The following EHMT1 variants were observed in gnomAD, a reference collection of about 807,000 sequenced individuals.
EHMT1 encodes the protein histone-lysine N-methyltransferase EHMT1.
EHMT1 carries 15 observed loss-of-function variants against 147.2 expected under a neutral mutation model. The ratio of observed to expected loss-of-function variants is 0.10; its 90% confidence interval spans 0.07 to 0.16. The LOEUF (loss-of-function observed/expected upper bound fraction) is 0.16. Among genes scored for constraint, EHMT1 ranks in the 10% least tolerant of loss-of-function variants. The probability of loss-of-function intolerance (pLI) is 1.00; values close to 1 mark genes in which losing one functional copy is unlikely to be tolerated. For synonymous variants in EHMT1, 795 were observed against 709.6 expected (o/e 1.12, Z -1.91); for missense variants, 1,587 against 1,772.4 (o/e 0.90, Z 1.88).
intron 1 of EHMT1, among the ~76,000 whole-genome samples, chr9:137,643,026 C>T (rs776098212): frequency 6.1e-4 from 92 of 151,628 alleles, no homozygotes; most frequent in Non-Finnish European, 1.0e-3. Context: ...ACTATGGGTG[C>T]GTGCCACTAT....
rs1588642978 is a variant in EHMT1, at chr9:137,775,344, G to A, written c.1791+92G>A. 6 of 1,542,826 alleles carry A rather than the reference G, an allele frequency of 3.9e-6. No homozygotes were observed. The highest frequency in any genetic ancestry group is 3.5e-5 in the South Asian group (3 of 86,258). ...TCCTGTCCTGTGTCCACCTGCTGTC[G>A]GGTGGTCCAGCAGCTGGCCCAGGTC... On this transcript the variant is annotated intron_variant, in intron 11 of 26. Coordinates refer to ENST00000460843, the MANE Select transcript of EHMT1 (RefSeq NM_024757.5). The surrounding 1 kb of genome is among the most constrained non-coding windows in gnomAD (Gnocchi z 6.1).
chr9:137,686,394 T>G (rs1396081915), intron 1 of EHMT1, among the ~76,000 whole-genome samples: 1 of 152,154 alleles, frequency 6.6e-6, no homozygotes, highest in African/African-American at 2.4e-5. Context: ...ATTTTTTTAA[T>G]TTTTTTATTT....
At chr9:137,833,626 A>C (rs1265369095) in intron 25 of EHMT1, among the ~76,000 whole-genome samples, 1 of 152,160 alleles carries the variant, frequency 6.6e-6, no homozygotes, top group Non-Finnish European at 1.5e-5. Context: ...CCCCCTCTCT[A>C]TGGTCAATTC....
At chr9:137,681,227 C>T (rs915001723) in intron 1 of EHMT1, among the ~76,000 whole-genome samples, 1 of 152,170 alleles carries the variant, frequency 6.6e-6, no homozygotes, top group Non-Finnish European at 1.5e-5. Context: ...AGCTGTCCTG[C>T]TGGGGCAGGT....
intron 4 of EHMT1, among the ~76,000 whole-genome samples, chr9:137,741,615 T>C (rs1028236593): frequency 1.3e-5 from 2 of 152,198 alleles, no homozygotes; most frequent in Admixed American, 1.3e-4. Flanking sequence ...AGAAAGTACA[T>C]GTAGTCACCC....
rs71387862 is a variant in EHMT1 at position 137,814,056 on chromosome 9, G to GCCCCCCC, written c.3181-366_3181-360dup. Among the ~76,000 whole-genome samples the GCCCCCCC allele has an allele frequency of 6.0e-4, 30 of 50,062 alleles. 1 individual carries two copies. Among genetic ancestry groups the GCCCCCCC allele is most frequent in the African/African-American group, 1.2e-3 (10 of 8,460 alleles). The allele number at this position is 50,062 out of a possible 152,430, so 32.8% of individuals were successfully genotyped here. A position where few individuals can be genotyped will look rare whatever the true frequency, so the allele number is the denominator to read the frequency against. ...TCTTCCCAGGCCGGGCACTGCCCAG[G>GCCCCCCC]CCCCCCCCCCCCCCCGCCCCCCGCC... On this transcript the variant is annotated intron_variant, in intron 21 of 26. Coordinates refer to ENST00000460843, the MANE Select transcript of EHMT1 (RefSeq NM_024757.5).
intron 1 of EHMT1, among the ~76,000 whole-genome samples, chr9:137,688,552 A>G (rs1448874296): frequency 6.6e-6 from 1 of 152,214 alleles, no homozygotes; most frequent in African/African-American, 2.4e-5. Context: ...GGGAAGAATA[A>G]GCATATCTGC....
chr9:137,659,758 G>T (rs1373392043), intron 1 of EHMT1, among the ~76,000 whole-genome samples: 1 of 151,324 alleles, frequency 6.6e-6, no homozygotes, highest in African/African-American at 2.4e-5. Flanking sequence ...TGTATTTTTT[G>T]CAGAGATGGG....
At chr9:137,800,120 C>T (rs1953334186) in intron 17 of EHMT1, among the ~76,000 whole-genome samples, 1 of 152,230 alleles carries the variant, frequency 6.6e-6, no homozygotes, top group African/African-American at 2.4e-5. Context: ...GTGTCTGTGA[C>T]ATTGGGATGT....
At chr9:137,791,587 T>C (rs1191966652) in intron 16 of EHMT1, among the ~76,000 whole-genome samples, 1 of 152,200 alleles carries the variant, frequency 6.6e-6, no homozygotes, top group African/African-American at 2.4e-5. Flanking sequence ...AGTTGAAAAC[T>C]AACAAACATT....
chr9:137,668,500 T>G (rs1939960266), intron 1 of EHMT1, among the ~76,000 whole-genome samples: 1 of 152,186 alleles, frequency 6.6e-6, no homozygotes, highest in Non-Finnish European at 1.5e-5. Flanking sequence ...TGACTTACTA[T>G]ATACCAGAAC....
chr9:137,808,830 C>T (rs1047807808), intron 18 of EHMT1, among the ~76,000 whole-genome samples: 3 of 151,940 alleles, frequency 2.0e-5, no homozygotes, highest in East Asian at 3.9e-4. Flanking sequence ...GGCTAAGGCA[C>T]GAGAATCGCT....
In EHMT1 at chr9:137,744,082, G is replaced by T. The variant is rs11137198; in HGVS notation, c.1162G>T (p.Ala388Ser). ...SKESMSEADRAQKMDGESEEE... is the reference protein window; with the variant it reads ...SKESMSEADRSQKMDGESEEE... Reference sequence around the variant, plus strand: ...GGAGAGCATGTCGGAGGCTGATCGCGCCCAGAAGGTATGTGTTGCTGTCTT... The same window carrying T: ...GGAGAGCATGTCGGAGGCTGATCGCTCCCAGAAGGTATGTGTTGCTGTCTT... Residue 388 changes from alanine (A) to serine (S), a missense_variant, in exon 6 of 27, where the codon GCC becomes TCC. Physicochemically the swap from Ala to Ser is moderately conservative, Grantham distance 99. Coordinates refer to ENST00000460843, the MANE Select transcript of EHMT1 (RefSeq NM_024757.5). 6.2e-7 allele frequency: 1 copy of T among 1,613,854 alleles called. No individual in the cohort carries two copies. The highest frequency in any genetic ancestry group is 1.3e-5 in the African/African-American group (1 of 74,924).
chr9:137,719,671 CAAT>C (rs1445796040), intron 3 of EHMT1, among the ~76,000 whole-genome samples: 1 of 152,206 alleles, frequency 6.6e-6, no homozygotes, highest in Non-Finnish European at 1.5e-5. Flanking sequence ...AACTAGAGGA[CAAT>C]GTCAGACCCA....
At chr9:137,700,066 A>G (rs1943709163) in intron 1 of EHMT1, among the ~76,000 whole-genome samples, 1 of 152,244 alleles carries the variant, frequency 6.6e-6, no homozygotes, top group Non-Finnish European at 1.5e-5. Flanking sequence ...TAAAGAGGTT[A>G]CTGTCTTCTG....
rs1956519175 is a variant in EHMT1, at chr9:137,835,329, TC to T, written c.*378del. 1 of 177,590 alleles carries T rather than the reference TC, an allele frequency of 5.6e-6. No individual in the cohort carries two copies. Among genetic ancestry groups the T allele is most frequent in the Admixed American group, 6.3e-5 (1 of 15,770 alleles). The allele number at this position is 177,590 out of a possible 1,614,324, so 11.0% of individuals were successfully genotyped here. On this transcript the variant is annotated 3_prime_UTR_variant, in exon 27 of 27. Coordinates refer to ENST00000460843, the MANE Select transcript of EHMT1 (RefSeq NM_024757.5). Reference sequence around the variant, plus strand: ...GCTGCACCACGGGGTTGCTCTGTTCTCCTGTCCGGCCCAGACTCTTCTGTGT... The same window carrying T: ...GCTGCACCACGGGGTTGCTCTGTTCTCTGTCCGGCCCAGACTCTTCTGTGT...
At chr9:137,692,655 T>C (rs974074711) in intron 1 of EHMT1, among the ~76,000 whole-genome samples, 1 of 152,190 alleles carries the variant, frequency 6.6e-6, no homozygotes, top group Non-Finnish European at 1.5e-5. Flanking sequence ...TTTTAGACGT[T>C]GATATCTTCC....
intron 3 of EHMT1, among the ~76,000 whole-genome samples, chr9:137,725,918 T>TCTGCCTCC (rs1477653059): frequency 6.6e-6 from 1 of 152,130 alleles, no homozygotes; most frequent in Non-Finnish European, 1.5e-5. Flanking sequence ...GAACTCTCGC[T>TCTGCCTCC]CTGCCTCCCT....
intron 1 of EHMT1, among the ~76,000 whole-genome samples, chr9:137,660,476 G>GT (rs1358055001): frequency 1.3e-5 from 2 of 152,072 alleles, no homozygotes; most frequent in Non-Finnish European, 2.9e-5. Context: ...TTTTGTTTCT[G>GT]TTTTTTTAGA....
Sources: gnomAD v4.1 joint callset for allele counts (sites outside exome capture counted in the v4.1 genomes callset) on GRCh38, gnomAD v4.1.1 for gene constraint, Gnocchi (gnomAD v3.1) non-coding constraint, MANE v1.5 for transcripts, NCBI Gene and HGNC (gene_info 2026-07-23, HGNC 2026-07-21) for gene names.